The following PPP6R1 variants were observed in gnomAD, a reference collection of about 807,000 sequenced individuals.
PPP6R1 encodes serine/threonine-protein phosphatase 6 regulatory subunit 1.
Under a neutral mutation model 104.6 loss-of-function variants are expected in PPP6R1, and 39 were observed. The observed-to-expected ratio is 0.37, with a 90% CI of 0.29 to 0.49. The LOEUF (loss-of-function observed/expected upper bound fraction) is 0.49. Among genes scored for constraint, PPP6R1 ranks in the 20% least tolerant of loss-of-function variants. PPP6R1 has a pLI of 0.98. For synonymous variants in PPP6R1, 549 were observed against 479.0 expected (o/e 1.15, Z -1.91); for missense variants, 1,181 against 1,155.8 (o/e 1.02, Z -0.32).
At position 55,239,440 on chromosome 19, in the gene PPP6R1, A is replaced by G. The variant is rs750592862; in HGVS notation, c.1716T>C (p.Asn572=). The change falls in exon 15 of 24, where the codon AAT becomes AAC. Residue 572 remains asparagine (N), a synonymous_variant. Coordinates refer to ENST00000412770, the MANE Select transcript of PPP6R1 (RefSeq NM_014931.4). The part of the protein sequence containing the change: ...TSAFIDHFGF[N]DEEFGEQEES... ...CCTCCTGCTCCCCAAACTCCTCATC[A>G]TTGAAGCCGAAGTGGTCAATGAAGG... 2 of 1,613,860 alleles carry G rather than the reference A, an allele frequency of 1.2e-6. No homozygotes were observed. The highest frequency in any genetic ancestry group is 8.5e-7 in the Non-Finnish European group (1 of 1,179,886).
At chr19:55,252,566 TTGTG>T (rs2087562156) in intron 1 of PPP6R1, among the ~76,000 whole-genome samples, 1 of 152,056 alleles carries the variant, frequency 6.6e-6, no homozygotes, top group Non-Finnish European at 1.5e-5. Context: ...CAGCTAATTT[TTGTG>T]TGTGTTTTTT....
rs768236680 is a variant in PPP6R1 at position 55,241,616 on chromosome 19, C to T, written c.869G>A (p.Ser290Asn). The T allele has an allele frequency of 9.5e-6, 15 of 1,585,516 alleles. No homozygotes were observed. In the African/African-American group the frequency reaches 2.0e-4, roughly 21 times the overall value. The change falls in exon 8 of 24, where the codon AGC becomes AAC. Residue 290 changes from serine to asparagine, a missense_variant. Ser to Asn is a conservative substitution (Grantham distance 46). Coordinates refer to ENST00000412770, the MANE Select transcript of PPP6R1 (RefSeq NM_014931.4). The surrounding 1 kb of genome is among the most constrained non-coding windows in gnomAD (Gnocchi z 5.4). Reference sequence around the variant, plus strand: ...CTGCCCATCCACACTGCTGAAGAAGCTGTTCACGGTCACGGACTCGGACCT... The same window carrying T: ...CTGCCCATCCACACTGCTGAAGAAGTTGTTCACGGTCACGGACTCGGACCT... ...RPRSESVTVNSFFSSVDGQLE... is the reference protein window; with the variant it reads ...RPRSESVTVNNFFSSVDGQLE...
At position 55,230,291 on chromosome 19, in the gene PPP6R1, T is replaced by C. The variant is rs1378502936; in HGVS notation, c.*237A>G. 2 of 595,364 alleles carry C rather than the reference T, an allele frequency of 3.4e-6. No homozygotes were observed. The highest frequency in any genetic ancestry group is 6.0e-6 in the Non-Finnish European group (2 of 334,042). 36.9% of individuals were successfully genotyped at this position (595,364 alleles called of 1,614,324 possible). A position where few individuals can be genotyped will look rare whatever the true frequency, so the allele number is the denominator to read the frequency against. On this transcript the variant is annotated 3_prime_UTR_variant, in exon 24 of 24. Transcript: ENST00000412770. The stretch of plus-strand genomic sequence containing the variant: ...TGTTTCTCTCTCTCCATTCTCTCTA[T>C]TTGACTCTCTGTATCTTTATTCTAG...
At chr19:55,233,318 G>A (rs1167547258) in intron 17 of PPP6R1, 2 of 152,114 alleles carry the variant, frequency 1.3e-5, no homozygotes, top group African/African-American at 4.8e-5. Flanking sequence ...CTAACATAAG[G>A]CATCTACAAA....
chr19:55,254,483 G>A (rs943053937), intron 1 of PPP6R1, among the ~76,000 whole-genome samples: 14 of 152,076 alleles, frequency 9.2e-5, no homozygotes, highest in Non-Finnish European at 1.8e-4. Context: ...CACTAACTGC[G>A]GCTCCCACAG....
chr19:55,250,017 G>A (rs1032070072), intron 1 of PPP6R1, among the ~76,000 whole-genome samples: 9 of 152,130 alleles, frequency 5.9e-5, no homozygotes, highest in African/African-American at 1.4e-4. Flanking sequence ...ATGCCACCTC[G>A]CCAGTGCTCC....
downstream of PPP6R1, chr19:55,229,167 G>T (rs1180204817): frequency 1.1e-5 from 2 of 187,838 alleles, no homozygotes; most frequent in Admixed American, 1.0e-4. Context: ...TGCCCTAGCC[G>T]TCTCCCTCCC....
At chr19:55,235,035 C>T (rs1317090908) in intron 17 of PPP6R1, among the ~76,000 whole-genome samples, 1 of 152,118 alleles carries the variant, frequency 6.6e-6, no homozygotes, top group Non-Finnish European at 1.5e-5. Context: ...TCTGTATGTA[C>T]ACTTGTCTAT....
chr19:55,255,833 C>G (rs1216297912), intron 1 of PPP6R1: 1 of 152,650 alleles, frequency 6.6e-6, no homozygotes, highest in Non-Finnish European at 1.5e-5. Flanking sequence ...GGAGCCTCCC[C>G]CCCGCATCTG....
intron 1 of PPP6R1, among the ~76,000 whole-genome samples, chr19:55,250,248 G>A (rs929259769): frequency 2.0e-5 from 3 of 152,214 alleles, no homozygotes; most frequent in Non-Finnish European, 2.9e-5. Flanking sequence ...CCACCCTCCA[G>A]GGAATGGCCT....
intron 7 of PPP6R1, 48 bp downstream of exon 7, chr19:55,242,118 G>A (rs757813136): frequency 6.4e-7 from 1 of 1,558,322 alleles, no homozygotes. Flanking sequence ...GGGCCGGAGA[G>A]CCCCTGGGGA....
intron 17 of PPP6R1, chr19:55,232,561 C>T (rs1461036625): frequency 7.8e-6 from 2 of 255,004 alleles, no homozygotes; most frequent in Non-Finnish European, 1.5e-5. Flanking sequence ...CCAGCCGTCA[C>T]CTCACACGGT....
chr19:55,240,174 A>C, intron 11 of PPP6R1, 60 bp from the exon 12 acceptor site: 2 of 1,561,580 alleles, frequency 1.3e-6, no homozygotes, highest in Non-Finnish European at 1.7e-6. Flanking sequence ...GCCCAGCCCC[A>C]GCCCGGCCCC....
At chr19:55,240,556 C>CAT (rs1555885269) in intron 10 of PPP6R1, among the ~76,000 whole-genome samples, 1,511 of 148,014 alleles carry the variant, frequency 0.01, 6 homozygotes, top group Non-Finnish European at 0.014. Context: ...CACACACACA[C>CAT]ATGCATGCAC....
rs1296959407 is a variant in PPP6R1, at chr19:55,245,586, T to C, written c.320A>G (p.Tyr107Cys). The C allele has an allele frequency of 5.0e-6, 8 of 1,612,846 alleles. No individual in the cohort carries two copies. The highest frequency in any genetic ancestry group is 6.8e-6 in the Non-Finnish European group (8 of 1,179,686). Residue 107 changes from tyrosine (Y) to cysteine (C), a missense_variant, in exon 3 of 24, where the codon TAC becomes TGC. By Grantham distance (194) the Tyr-to-Cys change is radical. Coordinates refer to ENST00000412770, the MANE Select transcript of PPP6R1 (RefSeq NM_014931.4). The surrounding 1 kb of genome is among the most constrained non-coding windows in gnomAD (Gnocchi z 6.4). ...GCTGCCGGTGCTCTGCAGGAAGCCG[T>C]AGAGCCGGTTCAGAAGGGACTCATC... ...GADESLLNRL[Y>C]GFLQSTGSLN...
chr19:55,245,439 G>A lies in PPP6R1; in HGVS notation c.415-37C>T, dbSNP rs1362253262. The A allele has an allele frequency of 5.0e-6, 8 of 1,612,304 alleles. No homozygotes were observed. On this transcript the variant is annotated intron_variant, in intron 3 of 23. Transcript: ENST00000412770. This position sits in a 1 kb window ranked among gnomAD's most constrained non-coding sequence, Gnocchi z 6.4. The stretch of plus-strand genomic sequence containing the variant: ...CGGGCTGCGTCATGCACAGGGCCTG[G>A]CCCAGCCACCACCCCTCAACCCACG...
At chr19:55,235,055 A>G (rs1449692892) in intron 17 of PPP6R1, among the ~76,000 whole-genome samples, 1 of 152,170 alleles carries the variant, frequency 6.6e-6, no homozygotes, top group Admixed American at 6.5e-5. Context: ...TACGCATGTT[A>G]CATGTCAATA....
chr19:55,256,648 C>T (rs2087595664), intron 1 of PPP6R1, among the ~76,000 whole-genome samples: 2 of 152,202 alleles, frequency 1.3e-5, no homozygotes, highest in South Asian at 4.1e-4. Flanking sequence ...CAGAGCAAGA[C>T]CCAGTCTTTA....
Position 55,241,169 on chromosome 19 carries a change from C to T in PPP6R1, c.1161+70G>A, listed in dbSNP as rs2087452998. The T allele has an allele frequency of 1.3e-6, 2 of 1,493,790 alleles. No individual in the cohort carries two copies. Among genetic ancestry groups the T allele is most frequent in the Non-Finnish European group, 1.8e-6 (2 of 1,121,466 alleles). 92.5% of individuals were successfully genotyped at this position (1,493,790 alleles called of 1,614,324 possible). ...CCCCCAGCCGAGCCCCCACCCCAGC[C>T]CCCGAACCCTCAGCCCAGTCCAGTC... On this transcript the variant is annotated intron_variant, in intron 9 of 23. Coordinates refer to ENST00000412770, the MANE Select transcript of PPP6R1 (RefSeq NM_014931.4). This position sits in a 1 kb window ranked among gnomAD's most constrained non-coding sequence, Gnocchi z 5.4.
Sources: gnomAD v4.1 joint callset for allele counts (sites outside exome capture counted in the v4.1 genomes callset) on GRCh38, gnomAD v4.1.1 for gene constraint, Gnocchi (gnomAD v3.1) non-coding constraint, MANE v1.5 for transcripts, NCBI Gene and HGNC (gene_info 2026-07-23, HGNC 2026-07-21) for gene names.